SMYD3: variants seen among roughly 807,000 people sequenced by gnomAD.
SMYD3 encodes SET and MYND domain containing 3.
In SMYD3, 36 loss-of-function variants were observed where a neutral mutation model predicts 57.7. The ratio of observed to expected loss-of-function variants is 0.62; its 90% confidence interval spans 0.48 to 0.82. The LOEUF (loss-of-function observed/expected upper bound fraction) is 0.82, where lower values mean the gene tolerates loss of function less well. SMYD3 is among the 40% of genes least tolerant of loss of function. The probability of loss-of-function intolerance (pLI) is 0.00; values close to 1 mark genes in which losing one functional copy is unlikely to be tolerated. For missense variants in SMYD3, 515 were observed against 538.8 expected, an observed-to-expected ratio of 0.96 and a Z score of 0.44; for synonymous variants, 211 against 195.0, an observed-to-expected ratio of 1.08 and a Z score of -0.68.
chr1:245,951,559 G>GCT (rs1183604207), intron 5 of SMYD3, among the ~76,000 whole-genome samples: 1 of 107,470 alleles, frequency 9.3e-6, no homozygotes, highest in Non-Finnish European at 1.8e-5. Flanking sequence ...ACAGAGCGAG[G>GCT]CTCTCTCTCA....
intron 10 of SMYD3, among the ~76,000 whole-genome samples, chr1:245,850,973 G>A (rs1317621438): frequency 8.4e-6 from 1 of 119,146 alleles, no homozygotes; most frequent in African/African-American, 3.9e-5. Flanking sequence ...CAGGGGTTTA[G>A]CCATAGGGAG....
At chr1:245,778,053 G>A (rs2046677405) in intron 10 of SMYD3, among the ~76,000 whole-genome samples, 1 of 152,036 alleles carries the variant, frequency 6.6e-6, no homozygotes, top group African/African-American at 2.4e-5. Context: ...CCTATATCCG[G>A]AGAAACTACC....
chr1:245,833,371 T>C (rs2049954385), intron 10 of SMYD3, among the ~76,000 whole-genome samples: 1 of 152,218 alleles, frequency 6.6e-6, no homozygotes, highest in Non-Finnish European at 1.5e-5. Flanking sequence ...GTTGCCTCAG[T>C]CTCCTCTGCT....
intron 5 of SMYD3, among the ~76,000 whole-genome samples, chr1:246,138,700 C>A (rs1459425748): frequency 6.6e-6 from 1 of 150,904 alleles, no homozygotes; most frequent in Non-Finnish European, 1.5e-5. Context: ...GCTGGGATTA[C>A]AGGCATGAGT....
chr1:246,253,659 T>TA (rs2148504799), intron 5 of SMYD3, among the ~76,000 whole-genome samples: 1 of 152,326 alleles, frequency 6.6e-6, no homozygotes, highest in Admixed American at 6.5e-5. Flanking sequence ...CTAGTTCTTG[T>TA]AAAAATGTTT....
At chr1:246,047,120 T>C (rs994268411) in intron 5 of SMYD3, among the ~76,000 whole-genome samples, 1 of 152,196 alleles carries the variant, frequency 6.6e-6, no homozygotes, top group African/African-American at 2.4e-5. Flanking sequence ...TAGAATCCAG[T>C]GGTATTTTTT....
intron 5 of SMYD3, among the ~76,000 whole-genome samples, chr1:246,091,969 T>C (rs977578242): frequency 1.3e-5 from 2 of 152,244 alleles, no homozygotes; most frequent in East Asian, 1.9e-4. Context: ...TTAATAATCA[T>C]AGACACAGAA....
At chr1:246,023,049 T>C (rs1466640155) in intron 5 of SMYD3, among the ~76,000 whole-genome samples, 1 of 152,184 alleles carries the variant, frequency 6.6e-6, no homozygotes, top group Non-Finnish European at 1.5e-5. Context: ...TCTCTACCAA[T>C]CCATTCTCTA....
chr1:246,222,157 A>G (rs1353642178), intron 5 of SMYD3, among the ~76,000 whole-genome samples: 1 of 152,166 alleles, frequency 6.6e-6, no homozygotes, highest in Non-Finnish European at 1.5e-5. Flanking sequence ...CCACTGTTGT[A>G]TTCAGAAATC....
chr1:246,326,458 G>A (rs1432524539), intron 5 of SMYD3: 12 of 636,750 alleles, frequency 1.9e-5, no homozygotes, highest in East Asian at 8.5e-5. Flanking sequence ...ATAAACCCTC[G>A]GAATCATTTA....
chr1:246,076,687 T>C (rs1204966584), intron 5 of SMYD3, among the ~76,000 whole-genome samples: 1 of 151,058 alleles, frequency 6.6e-6, no homozygotes. Context: ...GTTTTTTTTT[T>C]CTAGATTAAT....
intron 5 of SMYD3, among the ~76,000 whole-genome samples, chr1:245,946,629 G>C (rs891938205): frequency 2.6e-5 from 4 of 152,168 alleles, no homozygotes; most frequent in African/African-American, 9.7e-5. Context: ...AGAAAACTCA[G>C]TTATGAAGGA....
At chr1:246,461,598 A>G (rs1193774064) in intron 1 of SMYD3, among the ~76,000 whole-genome samples, 1 of 151,946 alleles carries the variant, frequency 6.6e-6, no homozygotes, top group East Asian at 1.9e-4. Context: ...AAGGCTAAGA[A>G]AAAATATGTA....
intron 5 of SMYD3, among the ~76,000 whole-genome samples, chr1:246,086,923 T>C (rs1156604195): frequency 1.3e-5 from 2 of 152,128 alleles, no homozygotes; most frequent in Non-Finnish European, 2.9e-5. Context: ...TTCCCCTCCC[T>C]GTGTCCATGT....
chr1:245,964,320 T>A (rs1249909839), intron 5 of SMYD3, among the ~76,000 whole-genome samples: 1 of 152,136 alleles, frequency 6.6e-6, no homozygotes, highest in Non-Finnish European at 1.5e-5. Flanking sequence ...TATTTCAACA[T>A]AAGCTTCGGA....
intron 5 of SMYD3, among the ~76,000 whole-genome samples, chr1:246,133,702 A>G (rs1042533083): frequency 3.3e-5 from 5 of 152,090 alleles, no homozygotes; most frequent in South Asian, 2.1e-4. Flanking sequence ...GCCAGCTTTT[A>G]TATTATTTTA....
chr1:245,763,289 C>T (rs375950705), intron 11 of SMYD3, among the ~76,000 whole-genome samples: 1 of 152,140 alleles, frequency 6.6e-6, no homozygotes, highest in African/African-American at 2.4e-5. Context: ...CCAAGATAAC[C>T]ACGAAGCCCT....
Position 246,487,625 on chromosome 1 carries a change from A to G in SMYD3, c.164+19429T>C, listed in dbSNP as rs540839532. 3.2e-4 allele frequency among the ~76,000 whole-genome samples: 49 copies of G among 152,258 alleles called. 2 individuals carry two copies. The South Asian group carries it at 1.0e-2, about 31-fold the overall frequency. On this transcript the variant is annotated intron_variant, in intron 1 of 11. Transcript: ENST00000490107. ...AACAGAAGTCTCAAAATACAAGAAAAATAGTTACAAGCAATTTCACCCTAC... is the reference window on the plus strand; with the variant it reads ...AACAGAAGTCTCAAAATACAAGAAAGATAGTTACAAGCAATTTCACCCTAC...
At chr1:245,756,920 C>T (rs1292727467) in intron 11 of SMYD3, among the ~76,000 whole-genome samples, 5 of 151,216 alleles carry the variant, frequency 3.3e-5, no homozygotes, top group East Asian at 1.9e-4. Context: ...AGGTTTATGT[C>T]GCCTGCCAAA....
Sources: allele counts gnomAD v4.1 joint callset (sites outside exome capture counted in the v4.1 genomes callset), GRCh38; gene constraint gnomAD v4.1.1; transcripts MANE v1.5; gene names NCBI Gene and HGNC (gene_info 2026-07-23, HGNC 2026-07-21).